Variants in ITGA1 observed in about 807,000 individuals in gnomAD.
ITGA1 encodes the protein integrin subunit alpha 1, also known as integrin alpha-1.
Under a neutral mutation model 145.9 loss-of-function variants are expected in ITGA1, and 85 were observed. That is an observed-to-expected ratio of 0.58 (90% CI 0.49 to 0.70). The LOEUF is 0.70. Among genes scored for constraint, ITGA1 ranks in the 30% least tolerant of loss-of-function variants. ITGA1 has a pLI of 0.00. For synonymous variants in ITGA1, 520 were observed against 495.3 expected, an observed-to-expected ratio of 1.05 and a Z score of -0.66; for missense variants, 1,351 against 1,418.7, an observed-to-expected ratio of 0.95 and a Z score of 0.77.
chr5:52,911,797 A>G (rs1750547878), intron 14 of ITGA1, among the ~76,000 whole-genome samples: 1 of 137,544 alleles, frequency 7.3e-6, no homozygotes, highest in African/African-American at 2.6e-5. Context: ...TGTATCTACT[A>G]TATATACTAT....
intron 1 of ITGA1, chr5:52,801,340 GC>G (rs1380152146): frequency 3.6e-6 from 5 of 1,370,046 alleles, no homozygotes; most frequent in Non-Finnish European, 5.0e-6. Context: ...TTGGCTTTAA[GC>G]CTTTGTGAGC....
intron 1 of ITGA1, among the ~76,000 whole-genome samples, chr5:52,845,997 T>C (rs1029649529): frequency 6.6e-6 from 1 of 152,162 alleles, no homozygotes; most frequent in Non-Finnish European, 1.5e-5. Context: ...ATAGAGTATA[T>C]TTACACAAAT....
intron 9 of ITGA1, among the ~76,000 whole-genome samples, chr5:52,895,021 C>T (rs1194291275): frequency 6.6e-6 from 1 of 151,992 alleles, no homozygotes; most frequent in Non-Finnish European, 1.5e-5. Context: ...AAAAATAAGG[C>T]AAAGTTTCAC....
At chr5:52,897,305 G>GTAGGCCTACCTAGAAATT (rs1750241378) in intron 9 of ITGA1, 150 bp from the exon 10 acceptor site, 5 of 605,030 alleles carry the variant, frequency 8.3e-6, no homozygotes, top group Non-Finnish European at 1.5e-5. Flanking sequence ...GAAATTTTGG[G>GTAGGCCTACCTAGAAATT]TTGAGAAATG....
At chr5:52,890,706 C>T (rs867253196) in intron 8 of ITGA1, among the ~76,000 whole-genome samples, 2 of 152,218 alleles carry the variant, frequency 1.3e-5, no homozygotes, top group Admixed American at 6.5e-5. Flanking sequence ...TCACCTCAGA[C>T]ACTTATCATT....
intron 15 of ITGA1, among the ~76,000 whole-genome samples, chr5:52,917,431 T>C (rs1011136869): frequency 6.6e-6 from 1 of 152,208 alleles, no homozygotes; most frequent in Non-Finnish European, 1.5e-5. Flanking sequence ...GCACTGTATG[T>C]AATACCATCT....
At chr5:52,847,198 G>A (rs1164415648) in intron 1 of ITGA1, among the ~76,000 whole-genome samples, 1 of 151,912 alleles carries the variant, frequency 6.6e-6, no homozygotes, top group African/African-American at 2.4e-5. Flanking sequence ...TAGGTAGGGA[G>A]GTCAAGAAAG....
Position 52,881,897 on chromosome 5 carries a change from A to G in ITGA1, c.649A>G (p.Asn217Asp), listed in dbSNP as rs569021701. ...GGTTGGAATTGTACAGTATGGAGAA[A>G]ACGTGACCCATGAGTTCAACCTCAA... ...TQVGIVQYGE[N>D]VTHEFNLNKY... Residue 217 changes from asparagine to aspartate, a missense_variant, in exon 7 of 29, where the codon AAC becomes GAC. By Grantham distance (23) the Asn-to-Asp change is conservative (BLOSUM62 1). Transcript: ENST00000282588. 6.2e-7 allele frequency: 1 copy of G among 1,613,718 alleles called. No individual in the cohort carries two copies. Among genetic ancestry groups the G allele is most frequent in the African/African-American group, 1.3e-5 (1 of 75,022 alleles).
At chr5:52,872,945 A>G (rs368348565) in intron 6 of ITGA1, among the ~76,000 whole-genome samples, 13 of 152,080 alleles carry the variant, frequency 8.5e-5, no homozygotes, top group African/African-American at 2.9e-4. Flanking sequence ...ACTCAGTAGC[A>G]TTGCTCTTTG....
intron 15 of ITGA1, among the ~76,000 whole-genome samples, chr5:52,916,617 C>A (rs1309424210): frequency 6.6e-6 from 1 of 151,302 alleles, no homozygotes; most frequent in Non-Finnish European, 1.5e-5. Flanking sequence ...AAAAAAAAAA[C>A]CTTTACAATA....
intron 18 of ITGA1, 42 bp from the exon 19 acceptor site, chr5:52,925,236 C>A (rs185536836): frequency 6.8e-7 from 1 of 1,466,358 alleles, no homozygotes; most frequent in Non-Finnish European, 9.6e-7. Context: ...TTCAACAATG[C>A]GTAGCTAAAT....
At chr5:52,929,793 T>C (rs1286288767) in intron 21 of ITGA1, 92 bp downstream of exon 21, 2 of 662,164 alleles carry the variant, frequency 3.0e-6, no homozygotes, top group Non-Finnish European at 5.1e-6. Flanking sequence ...TCACTGACAG[T>C]TTCTTCCAGG....
chr5:52,832,989 C>T (rs776314626), intron 1 of ITGA1, among the ~76,000 whole-genome samples: 10 of 142,570 alleles, frequency 7.0e-5, no homozygotes, highest in Non-Finnish European at 1.1e-4. Flanking sequence ...TTCAAGAGCT[C>T]GAGACCAGCC....
intron 6 of ITGA1, among the ~76,000 whole-genome samples, chr5:52,879,169 G>A (rs1749915162): frequency 1.3e-5 from 2 of 151,958 alleles, no homozygotes; most frequent in Non-Finnish European, 2.9e-5. Context: ...ATGCTGGGGA[G>A]GTCAAAGAAA....
rs1751251656 is a variant in ITGA1 at position 52,953,216 on chromosome 5, CACTT to C, written c.*767_*770del. 4 of 152,258 alleles carry C rather than the reference CACTT, an allele frequency of 2.6e-5. No individual in the cohort carries two copies. In the South Asian group the frequency reaches 6.2e-4, roughly 24 times the overall value. The allele number at this position is 152,258 out of a possible 1,614,324, so 9.4% of individuals were successfully genotyped here. On this transcript the variant is annotated 3_prime_UTR_variant, in exon 29 of 29. Transcript: ENST00000282588. ...GCAAAACTCTTTTATACTGAAAAAA[CACTT>C]AAAGTAGTTTTGTGTGGCATCACAG...
intron 1 of ITGA1, among the ~76,000 whole-genome samples, chr5:52,806,430 C>A (rs1383760729): frequency 6.6e-6 from 1 of 151,752 alleles, no homozygotes; most frequent in East Asian, 1.9e-4. Flanking sequence ...TAGTAAACTT[C>A]ACGTAGAAAT....
At chr5:52,847,521 A>G (rs1484033960) in intron 1 of ITGA1, among the ~76,000 whole-genome samples, 1 of 151,760 alleles carries the variant, frequency 6.6e-6, no homozygotes, top group Non-Finnish European at 1.5e-5. Context: ...GTAATTTTAT[A>G]AGACAGTGCT....
intron 6 of ITGA1, among the ~76,000 whole-genome samples, chr5:52,868,574 T>C (rs1438648219): frequency 6.6e-6 from 1 of 152,188 alleles, no homozygotes; most frequent in Non-Finnish European, 1.5e-5. Context: ...CATGAAGTTA[T>C]ATGTATTTTC....
intron 1 of ITGA1, among the ~76,000 whole-genome samples, chr5:52,806,215 T>C (rs950861239): frequency 1.8e-5 from 2 of 111,396 alleles, no homozygotes; most frequent in Admixed American, 8.4e-5. Flanking sequence ...AGAAATTTAG[T>C]GTAAAAGTGT....
Sources: gnomAD v4.1 joint callset for allele counts (sites outside exome capture counted in the v4.1 genomes callset) on GRCh38, gnomAD v4.1.1 for gene constraint, MANE v1.5 for transcripts, NCBI Gene and HGNC (gene_info 2026-07-23, HGNC 2026-07-21) for gene names.